The following SPMAP2L variants were observed in gnomAD, a reference collection of about 807,000 sequenced individuals.
SPMAP2L encodes sperm microtubule associated protein 2-like.
the SPMAP2L span, among the ~76,000 whole-genome samples, chr4:56,556,142 C>T: frequency 1.3e-5 from 2 of 152,162 alleles, no homozygotes; most frequent in Non-Finnish European, 2.9e-5. Flanking sequence ...ATTATATCAC[C>T]CTGTCTATTT....
the SPMAP2L span, among the ~76,000 whole-genome samples, chr4:56,558,895 C>G: frequency 2.0e-5 from 3 of 152,062 alleles, no homozygotes; most frequent in African/African-American, 7.2e-5. Flanking sequence ...CTCTTCCCCT[C>G]TTTGACTTCT....
the SPMAP2L span, among the ~76,000 whole-genome samples, chr4:56,590,163 C>G: frequency 6.6e-6 from 1 of 152,122 alleles, no homozygotes; most frequent in African/African-American, 2.4e-5. Flanking sequence ...ATAGAGGGCT[C>G]TTATTACATT....
the SPMAP2L span, among the ~76,000 whole-genome samples, chr4:56,587,132 C>G: frequency 6.6e-6 from 1 of 151,454 alleles, no homozygotes; most frequent in Middle Eastern, 3.2e-3. Context: ...TTTTAAGAGC[C>G]CTAAATAATT....
the SPMAP2L span, among the ~76,000 whole-genome samples, chr4:56,575,844 G>C: frequency 2.6e-5 from 4 of 152,130 alleles, no homozygotes; most frequent in Middle Eastern, 3.2e-3. Context: ...CTCACATTGT[G>C]GTGAAACTAA....
At chr4:56,573,113 G>GC in the SPMAP2L span, among the ~76,000 whole-genome samples, 1 of 152,070 alleles carries the variant, frequency 6.6e-6, no homozygotes, top group African/African-American at 2.4e-5. Flanking sequence ...GCACGTAAGG[G>GC]CAGCAGCAGT....
chr4:56,597,133 A>G, the SPMAP2L span, among the ~76,000 whole-genome samples: 1,788 of 152,348 alleles, frequency 0.012, 32 homozygotes, highest in African/African-American at 0.042. Context: ...TAAGGAAGGA[A>G]TATTTGAGCT....
At chr4:56,587,234 A>G in the SPMAP2L span, among the ~76,000 whole-genome samples, 14 of 152,110 alleles carry the variant, frequency 9.2e-5, no homozygotes, top group Non-Finnish European at 1.8e-4. Flanking sequence ...CAGTGCAAAA[A>G]CAATTGTACT....
At chr4:56,606,264 C>A in the SPMAP2L span, among the ~76,000 whole-genome samples, 1 of 152,156 alleles carries the variant, frequency 6.6e-6, no homozygotes, top group East Asian at 1.9e-4. Flanking sequence ...ATTTTTGGAT[C>A]ACTCTGAATT....
the SPMAP2L span, among the ~76,000 whole-genome samples, chr4:56,589,172 C>A: frequency 4.6e-5 from 7 of 151,572 alleles, no homozygotes; most frequent in Non-Finnish European, 1.0e-4. Context: ...TATTTTTAGT[C>A]GAGGCAGAGT....
the SPMAP2L span, among the ~76,000 whole-genome samples, chr4:56,611,590 T>C: frequency 6.6e-6 from 1 of 151,992 alleles, no homozygotes; most frequent in African/African-American, 2.4e-5. Context: ...AAACATTTTT[T>C]AAAAAAGGAA....
chr4:56,595,767 GAGC>G, the SPMAP2L span: 2 of 819,178 alleles, frequency 2.4e-6, no homozygotes, highest in Non-Finnish European at 4.4e-6. Flanking sequence ...CCTCTCCCCA[GAGC>G]ATTTGATAAG....
chr4:56,532,569 C>A, the SPMAP2L span, among the ~76,000 whole-genome samples: 41 of 152,230 alleles, frequency 2.7e-4, no homozygotes, highest in Non-Finnish European at 5.1e-4. Context: ...CAGACTCTCC[C>A]CTTCCACCAG....
chr4:56,593,379 C>T, the SPMAP2L span: 1 of 1,268,978 alleles, frequency 7.9e-7, no homozygotes, highest in East Asian at 2.3e-5. Context: ...ATACTGGAGT[C>T]CTCATTGAGC....
At chr4:56,626,070 T>C in the SPMAP2L span, among the ~76,000 whole-genome samples, 1 of 152,114 alleles carries the variant, frequency 6.6e-6, no homozygotes, top group East Asian at 1.9e-4. Flanking sequence ...ATTGGATACC[T>C]CTCAACACAG....
the SPMAP2L span, chr4:56,531,015 C>T: frequency 6.5e-7 from 1 of 1,535,482 alleles, no homozygotes; most frequent in Non-Finnish European, 8.7e-7. Context: ...CCAAACTCCT[C>T]AAGGCCCGTG....
At chr4:56,556,606 C>G in the SPMAP2L span, among the ~76,000 whole-genome samples, 11 of 152,330 alleles carry the variant, frequency 7.2e-5, no homozygotes, top group South Asian at 2.1e-3. Flanking sequence ...GGCACAGTGG[C>G]TCATGCCTGT....
At chr4:56,566,201 CTTAT>C in the SPMAP2L span, among the ~76,000 whole-genome samples, 5 of 151,480 alleles carry the variant, frequency 3.3e-5, no homozygotes, top group Non-Finnish European at 7.4e-5. Flanking sequence ...TATTTATTTA[CTTAT>C]TTATTTATTT....
At chr4:56,618,559 A>T in the SPMAP2L span, among the ~76,000 whole-genome samples, 5 of 152,274 alleles carry the variant, frequency 3.3e-5, no homozygotes, top group South Asian at 1.0e-3. Flanking sequence ...CAAGCAAAAA[A>T]AGAAAAGCCC....
the SPMAP2L span, among the ~76,000 whole-genome samples, chr4:56,569,088 T>C: frequency 6.6e-6 from 1 of 152,232 alleles, no homozygotes; most frequent in Non-Finnish European, 1.5e-5. Flanking sequence ...TTTTTACATT[T>C]TGGCAAAAGT....
Sources: gnomAD v4.1 joint callset for allele counts (sites outside exome capture counted in the v4.1 genomes callset) on GRCh38, gnomAD v4.1.1 for gene constraint, MANE v1.5 for transcripts, NCBI Gene and HGNC (gene_info 2026-07-23, HGNC 2026-07-21) for gene names.